The following CHRM2 variants were observed in gnomAD, a reference collection of about 807,000 sequenced individuals.
CHRM2 encodes the protein cholinergic receptor muscarinic 2, also known as muscarinic acetylcholine receptor M2.
In CHRM2, 8 loss-of-function variants were observed where a neutral mutation model predicts 25.0. The observed-to-expected ratio is 0.32, with a 90% CI of 0.19 to 0.58. The LOEUF is 0.58. CHRM2 is among the 20% of genes least tolerant of loss of function. The pLI, the probability that CHRM2 is intolerant of heterozygous loss-of-function variation, is 0.88. For synonymous variants in CHRM2, 202 were observed against 205.7 expected (o/e 0.98, Z 0.15); for missense variants, 440 against 567.1 (o/e 0.78, Z 2.28).
chr7:136,899,300 C>T (rs1797070799), intron 2 of CHRM2: 1 of 151,960 alleles, frequency 6.6e-6, no homozygotes, highest in East Asian at 1.9e-4. Flanking sequence ...AAAAATGATC[C>T]CACATTGGGT....
In CHRM2 at chr7:137,015,020, G is replaced by A. The variant is rs768531848; in HGVS notation, c.155G>A (p.Arg52His). Residue 52 changes from arginine (R) to histidine (H), a missense_variant, in exon 4 of 4, where the codon CGC becomes CAC. Arg to His is a conservative substitution (Grantham distance 29, BLOSUM62 0). Transcript: ENST00000680005. The surrounding 1 kb of genome is among the most constrained non-coding windows in gnomAD (Gnocchi z 5.1). ...ILVMVSIKVN[R>H]HLQTVNNYFL... ...GTCATGGTTTCCATTAAAGTCAACC[G>A]CCACCTCCAGACCGTCAACAATTAC... 2 of 1,613,296 alleles carry A rather than the reference G, an allele frequency of 1.2e-6. No homozygotes were observed. Among genetic ancestry groups the A allele is most frequent in the South Asian group, 1.1e-5 (1 of 91,072 alleles).
chr7:136,987,993 C>G (rs567363939), intron 2 of CHRM2, among the ~76,000 whole-genome samples: 1 of 151,412 alleles, frequency 6.6e-6, no homozygotes, highest in East Asian at 1.9e-4. Context: ...ATCATACTTA[C>G]AAAAATAAAT....
intron 2 of CHRM2, chr7:136,902,774 G>A (rs144302056): frequency 1.0e-4 from 25 of 238,316 alleles, no homozygotes; most frequent in Non-Finnish European, 1.6e-4. Context: ...TTAATAAGAC[G>A]TGTAGACATT....
intron 2 of CHRM2, among the ~76,000 whole-genome samples, chr7:136,960,370 T>G (rs1800997275): frequency 6.6e-6 from 1 of 152,192 alleles, no homozygotes; most frequent in Admixed American, 6.5e-5. Flanking sequence ...GGCTTCTCTC[T>G]TTCTTCTCCC....
chr7:136,966,994 G>A (rs182231803), intron 2 of CHRM2, among the ~76,000 whole-genome samples: 332 of 151,970 alleles, frequency 2.2e-3, no homozygotes, highest in African/African-American at 7.5e-3. Context: ...TACACTGATC[G>A]TTTAGGGACA....
intron 2 of CHRM2, among the ~76,000 whole-genome samples, chr7:136,920,846 T>C (rs935681453): frequency 1.3e-5 from 2 of 152,104 alleles, no homozygotes; most frequent in Non-Finnish European, 2.9e-5. Context: ...CTTTCCACCA[T>C]CACCTTCACA....
In CHRM2 at chr7:137,017,574, A is replaced by T. The variant is rs1043042908; in HGVS notation, c.*1308A>T. The T allele has an allele frequency of 3.3e-5, 5 of 152,042 alleles. No individual in the cohort carries two copies. Among genetic ancestry groups the T allele is most frequent in the African/African-American group, 1.2e-4 (5 of 41,444 alleles). 9.4% of individuals were successfully genotyped at this position (152,042 alleles called of 1,614,324 possible). On this transcript the variant is annotated 3_prime_UTR_variant, in exon 4 of 4. Transcript: ENST00000680005. ...ATGAAAGGGGAAAAAACGATATTTTAAAAACTATTACTGAAACAATTACAT... is the reference window on the plus strand; with the variant it reads ...ATGAAAGGGGAAAAAACGATATTTTTAAAACTATTACTGAAACAATTACAT...
chr7:136,934,758 T>A (rs1465574835), intron 2 of CHRM2, among the ~76,000 whole-genome samples: 1 of 139,072 alleles, frequency 7.2e-6, no homozygotes, highest in East Asian at 1.9e-4. Flanking sequence ...AAATACAATC[T>A]CCAGAAAAAA....
chr7:136,994,494 T>C (rs913121277), intron 3 of CHRM2, among the ~76,000 whole-genome samples: 8 of 150,960 alleles, frequency 5.3e-5, no homozygotes, highest in Admixed American at 4.6e-4. Context: ...TCATTTTCTA[T>C]AGTGCTTTCT....
intron 2 of CHRM2, among the ~76,000 whole-genome samples, chr7:136,972,528 T>G (rs898592251): frequency 3.9e-5 from 6 of 152,172 alleles, no homozygotes; most frequent in African/African-American, 1.2e-4. Flanking sequence ...CCCTCTAGCG[T>G]TTTCTCAGAT....
intron 2 of CHRM2, chr7:136,899,030 T>G (rs953160282): frequency 6.6e-6 from 1 of 152,068 alleles, no homozygotes; most frequent in African/African-American, 2.4e-5. Flanking sequence ...GGTAGACAAA[T>G]TCAAAGTGTT....
At chr7:137,007,175 A>G (rs1219921731) in intron 3 of CHRM2, among the ~76,000 whole-genome samples, 1 of 152,106 alleles carries the variant, frequency 6.6e-6, no homozygotes, top group East Asian at 1.9e-4. Context: ...ACCACATCTG[A>G]CCAGCCTTGC....
At chr7:136,979,024 A>G (rs1464082598) in intron 2 of CHRM2, among the ~76,000 whole-genome samples, 1 of 152,156 alleles carries the variant, frequency 6.6e-6, no homozygotes, top group Non-Finnish European at 1.5e-5. Flanking sequence ...AGGAATTGCC[A>G]CACTGCCCTC....
At chr7:136,964,865 G>A (rs1801313983) in intron 2 of CHRM2, among the ~76,000 whole-genome samples, 1 of 152,048 alleles carries the variant, frequency 6.6e-6, no homozygotes, top group African/African-American at 2.4e-5. Context: ...CAACTCTCTG[G>A]TTGCCTTAAA....
intron 2 of CHRM2, among the ~76,000 whole-genome samples, chr7:136,931,270 A>C (rs1292933153): frequency 6.6e-6 from 1 of 152,208 alleles, no homozygotes; most frequent in Admixed American, 6.5e-5. Flanking sequence ...TTGGGCACAA[A>C]GACAGATAGA....
At chr7:136,889,047 CAAAAAAAAAAA>C (rs56915229) in intron 2 of CHRM2, among the ~76,000 whole-genome samples, 11 of 66,492 alleles carry the variant, frequency 1.7e-4, no homozygotes, top group Non-Finnish European at 2.6e-4. Context: ...GACTACATCT[CAAAAAAAAAAA>C]AAAAAAAAAA....
chr7:136,893,760 CT>C (rs1362896175), intron 2 of CHRM2, among the ~76,000 whole-genome samples: 5 of 152,198 alleles, frequency 3.3e-5, no homozygotes, highest in Admixed American at 1.3e-4. Context: ...GATATACCAC[CT>C]TTTTACATGA....
chr7:136,883,858 G>A (rs1033520458), intron 2 of CHRM2, among the ~76,000 whole-genome samples: 1 of 152,042 alleles, frequency 6.6e-6, no homozygotes, highest in Non-Finnish European at 1.5e-5. Context: ...AACATGTGTT[G>A]GCCATTGTAT....
intron 2 of CHRM2, among the ~76,000 whole-genome samples, chr7:136,887,845 T>G (rs946983102): frequency 3.3e-5 from 5 of 152,182 alleles, no homozygotes; most frequent in African/African-American, 1.2e-4. Context: ...TGTGATCAAA[T>G]GTGTCCCCAT....
Sources: gnomAD v4.1 joint callset for allele counts (sites outside exome capture counted in the v4.1 genomes callset) on GRCh38, gnomAD v4.1.1 for gene constraint, Gnocchi (gnomAD v3.1) non-coding constraint, MANE v1.5 for transcripts, NCBI Gene and HGNC (gene_info 2026-07-23, HGNC 2026-07-21) for gene names.